The following ELOVL6 variants were observed in gnomAD, a reference collection of about 807,000 sequenced individuals.
ELOVL6 encodes ELOVL fatty acid elongase 6.
A neutral mutation model predicts 31.7 loss-of-function variants in ELOVL6; 8 were observed. The ratio of observed to expected loss-of-function variants is 0.25; its 90% CI spans 0.15 to 0.45. ELOVL6 has a LOEUF of 0.45. Among genes scored for constraint, ELOVL6 ranks in the 20% least tolerant of loss-of-function variants. The pLI is 1.00. For synonymous variants in ELOVL6, 101 were observed against 117.7 expected (o/e 0.86, Z 0.92); for missense variants, 126 against 326.4 (o/e 0.39, Z 4.73).
chr4:110,124,439 G>C (rs1351825475), intron 1 of ELOVL6, among the ~76,000 whole-genome samples: 1 of 152,088 alleles, frequency 6.6e-6, no homozygotes, highest in African/African-American at 2.4e-5. Context: ...ATCATCCTCA[G>C]CAAACTAACA....
chr4:110,067,039 T>C, intron 2 of ELOVL6, among the ~76,000 whole-genome samples: 1 of 152,228 alleles, frequency 6.6e-6, no homozygotes, highest in East Asian at 1.9e-4. Flanking sequence ...TGGTTAGCCT[T>C]AGCTAAAAAT....
At chr4:110,062,311 G>T (rs2126223364) in intron 2 of ELOVL6, among the ~76,000 whole-genome samples, 1 of 152,276 alleles carries the variant, frequency 6.6e-6, no homozygotes, top group African/African-American at 2.4e-5. Flanking sequence ...GAACAATAAG[G>T]CTAACTCAGA....
intron 1 of ELOVL6, among the ~76,000 whole-genome samples, chr4:110,133,757 C>G (rs1195760239): frequency 6.6e-6 from 1 of 152,136 alleles, no homozygotes; most frequent in African/African-American, 2.4e-5. Context: ...AAGTTAAATT[C>G]ACCAAATTAA....
chr4:110,188,404 T>C (rs1020157005), intron 1 of ELOVL6, among the ~76,000 whole-genome samples: 3 of 152,080 alleles, frequency 2.0e-5, no homozygotes, highest in African/African-American at 7.2e-5. Flanking sequence ...TATATTAATA[T>C]TCAAATAAGA....
chr4:110,125,658 TA>T (rs199561647), intron 1 of ELOVL6, among the ~76,000 whole-genome samples: 21 of 146,476 alleles, frequency 1.4e-4, no homozygotes, highest in Admixed American at 2.7e-4. Flanking sequence ...CCATCTCTCT[TA>T]AAAAAAAAAT....
chr4:110,053,968 C>T (rs1315497063), intron 3 of ELOVL6, among the ~76,000 whole-genome samples: 2 of 151,450 alleles, frequency 1.3e-5, no homozygotes, highest in East Asian at 3.9e-4. Context: ...GGCATTGTGG[C>T]AGGCACCTGT....
chr4:110,152,787 T>C (rs745312949), intron 1 of ELOVL6, among the ~76,000 whole-genome samples: 3 of 152,250 alleles, frequency 2.0e-5, no homozygotes, highest in African/African-American at 7.2e-5. Context: ...TGCGTACACA[T>C]GCACTTATGT....
chr4:110,187,476 A>G (rs954554067), intron 1 of ELOVL6, among the ~76,000 whole-genome samples: 1 of 151,694 alleles, frequency 6.6e-6, no homozygotes, highest in East Asian at 1.9e-4. Flanking sequence ...TGGGAGGCCG[A>G]GGCAGGCGGA....
At chr4:110,109,590 GT>G (rs1283228439) in intron 1 of ELOVL6, among the ~76,000 whole-genome samples, 1 of 152,144 alleles carries the variant, frequency 6.6e-6, no homozygotes, top group East Asian at 1.9e-4. Context: ...TCTTACCAGA[GT>G]AGCTGAGCAA....
chr4:110,111,156 A>G (rs1257252269), intron 1 of ELOVL6, among the ~76,000 whole-genome samples: 1 of 152,218 alleles, frequency 6.6e-6, no homozygotes, highest in Non-Finnish European at 1.5e-5. Context: ...AATTCCTTGT[A>G]TACATCTGTA....
At chr4:110,104,992 G>A (rs1756845186) in intron 2 of ELOVL6, among the ~76,000 whole-genome samples, 1 of 152,156 alleles carries the variant, frequency 6.6e-6, no homozygotes, top group East Asian at 1.9e-4. Context: ...GGGGAATGAG[G>A]GTGGAGGGTG....
intron 3 of ELOVL6, 77 bp downstream of exon 3, chr4:110,059,526 G>A (rs77808755): frequency 0.012 from 18,196 of 1,457,696 alleles, 156 homozygotes; most frequent in Non-Finnish European, 0.015. Context: ...CCTTCAAAAT[G>A]TTTCTTTGCT....
chr4:110,065,029 C>T (rs1455502321), intron 2 of ELOVL6, among the ~76,000 whole-genome samples: 1 of 152,062 alleles, frequency 6.6e-6, no homozygotes, highest in Non-Finnish European at 1.5e-5. Context: ...TTACAGTACT[C>T]ATGAGGGAGG....
At chr4:110,070,069 A>G (rs1240080417) in intron 2 of ELOVL6, among the ~76,000 whole-genome samples, 1 of 152,186 alleles carries the variant, frequency 6.6e-6, no homozygotes, top group Non-Finnish European at 1.5e-5. Context: ...GAGGTGTACT[A>G]AATTCTACAA....
intron 2 of ELOVL6, among the ~76,000 whole-genome samples, chr4:110,091,004 G>C (rs1756413029): frequency 6.6e-6 from 1 of 152,190 alleles, no homozygotes; most frequent in African/African-American, 2.4e-5. Context: ...TATTATAAAG[G>C]TATGGCAGAA....
At position 110,149,807 on chromosome 4, in the gene ELOVL6, C is replaced by T. The variant is rs1004263561; in HGVS notation, c.90-44179G>A. On this transcript the variant is annotated intron_variant, in intron 1 of 3. Transcript: ENST00000302274. ...TATTTATCTGCCTACATAGAAAAAT[C>T]TCCACTTAGAAAAGACCAACATAGA... Among the ~76,000 whole-genome samples, 10 of 152,102 alleles carry T rather than the reference C, an allele frequency of 6.6e-5. No individual in the cohort carries two copies. The East Asian group carries it at 1.9e-3, about 29-fold the overall frequency.
chr4:110,135,868 T>C (rs933711484), intron 1 of ELOVL6, among the ~76,000 whole-genome samples: 15 of 152,230 alleles, frequency 9.9e-5, no homozygotes, highest in Non-Finnish European at 2.1e-4. Context: ...CACAATTTAA[T>C]GTAAGGCTTG....
At chr4:110,121,209 A>AT (rs1351090503) in intron 1 of ELOVL6, among the ~76,000 whole-genome samples, 1 of 152,200 alleles carries the variant, frequency 6.6e-6, no homozygotes, top group East Asian at 1.9e-4. Flanking sequence ...AATTTACCAG[A>AT]TTCTACTGAT....
chr4:110,065,656 T>C (rs1201139918), intron 2 of ELOVL6, among the ~76,000 whole-genome samples: 3 of 152,012 alleles, frequency 2.0e-5, no homozygotes, highest in Non-Finnish European at 4.4e-5. Context: ...CAACAAAACT[T>C]CCTAGGCTTT....
Sources: gnomAD v4.1 joint callset for allele counts (sites outside exome capture counted in the v4.1 genomes callset) on GRCh38, gnomAD v4.1.1 for gene constraint, MANE v1.5 for transcripts, NCBI Gene and HGNC (gene_info 2026-07-23, HGNC 2026-07-21) for gene names.